The following WDR17 variants were observed in gnomAD, a reference collection of about 807,000 sequenced individuals.
WDR17 encodes the protein WD repeat-containing protein 17.
A neutral mutation model predicts 161.7 loss-of-function variants in WDR17; 143 were observed. That is an observed-to-expected ratio of 0.88 (90% CI 0.77 to 1.02). The LOEUF (loss-of-function observed/expected upper bound fraction) is 1.02. Ranked by LOEUF, WDR17 falls within the 50% of genes least tolerant of loss-of-function variation. WDR17 has a pLI of 0.00. For synonymous variants in WDR17, 517 were observed against 515.6 expected, an observed-to-expected ratio of 1.00 and a Z score of -0.04; for missense variants, 1,469 against 1,520.9, an observed-to-expected ratio of 0.97 and a Z score of 0.57.
In WDR17 at chr4:176,146,055, C is replaced by T; in HGVS notation, c.1590C>T (p.Ser530=). 6.2e-7 allele frequency: 1 copy of T among 1,614,016 alleles called. No homozygotes were observed. Among genetic ancestry groups the T allele is most frequent in the Non-Finnish European group, 8.5e-7 (1 of 1,179,958 alleles). ...TTCGTGTTTATTATGTAGCCACCAG[C>T]TCAGATCAACCATTGAAAGTATTTA... ...TNVRVYYVAT[S]SDQPLKVFSG... is the part of the protein sequence containing the mutation. The change falls in exon 12 of 29, where the codon AGC becomes AGT. Residue 530 remains serine (S), a synonymous_variant. Transcript: ENST00000508596.
At chr4:176,104,376 T>C (rs566870483) in intron 1 of WDR17, among the ~76,000 whole-genome samples, 95 of 152,156 alleles carry the variant, frequency 6.2e-4, no homozygotes, top group African/African-American at 2.2e-3. Flanking sequence ...AGTGCTAGTA[T>C]TTGGAAACAA....
chr4:176,148,274 A>T lies in WDR17; in HGVS notation c.1836A>T (p.Val612=). Residue 612 remains valine (V), a synonymous_variant, in exon 13 of 29, where the codon GTA becomes GTT. Transcript: ENST00000508596. Reference sequence around the variant, plus strand: ...GCAGCTGGGACTATACTATAAAAGTATGGGACACTCGAGAAGGAACTTGTG... The same window carrying T: ...GCAGCTGGGACTATACTATAAAAGTTTGGGACACTCGAGAAGGAACTTGTG... ...ISGSWDYTIK[V]WDTREGTCVD... The T allele has an allele frequency of 6.2e-7, 1 of 1,614,040 alleles. No homozygotes were observed. Among genetic ancestry groups the T allele is most frequent in the Admixed American group, 1.7e-5 (1 of 60,018 alleles).
Position 176,115,887 on chromosome 4 carries a change from C to G in WDR17, c.215C>G (p.Pro72Arg). ...GCAATTTCTTGGTGTCCACATAATC[C>G]TGATCTGTTTGCAAGTGGCAGTACT... ...ITAISWCPHN[P>R]DLFASGSTDN... The change falls in exon 3 of 29, where the codon CCT (proline) becomes CGT (arginine). Residue 72 changes from proline to arginine, a missense_variant. By Grantham distance (103) the Pro-to-Arg change is moderately radical. Transcript: ENST00000508596. 6.2e-7 allele frequency: 1 copy of G among 1,611,106 alleles called. No individual in the cohort carries two copies. The highest frequency in any genetic ancestry group is 8.5e-7 in the Non-Finnish European group (1 of 1,178,328).
chr4:176,176,680 G>A (rs780304256), intron 26 of WDR17, among the ~76,000 whole-genome samples: 3 of 152,086 alleles, frequency 2.0e-5, no homozygotes, highest in Non-Finnish European at 4.4e-5. Context: ...TCCTTCTCCC[G>A]TGTTCTCTTT....
chr4:176,104,959 A>G (rs1202363657), intron 1 of WDR17, among the ~76,000 whole-genome samples: 2 of 152,078 alleles, frequency 1.3e-5, no homozygotes, highest in Non-Finnish European at 2.9e-5. Flanking sequence ...ATTTAAAAAA[A>G]GATCCATCTG....
rs1435447519 is a variant in WDR17 at position 176,149,964 on chromosome 4, A to G, written c.2047+8A>G. On this transcript the variant is annotated splice_region_variant and intron_variant, in intron 14 of 28. Coordinates refer to ENST00000508596, the MANE Select transcript of WDR17 (RefSeq NM_181265.4). The stretch of plus-strand genomic sequence containing the variant: ...AAATTATTGGGAACACTGGTATGGA[A>G]CATATACATGTATTAGAGTTTATTT... The G allele has an allele frequency of 2.5e-6, 4 of 1,611,686 alleles. No homozygotes were observed. Among genetic ancestry groups the G allele is most frequent in the South Asian group, 1.1e-5 (1 of 90,172 alleles).
chr4:176,166,287 T>TCA lies in WDR17; in HGVS notation c.2991-2385_2991-2384insCA, dbSNP rs559929238. 1.4e-4 allele frequency: 41 copies of TCA among 301,368 alleles called. 1 individual carries two copies. The South Asian group carries it at 2.9e-3, about 21-fold the overall frequency. The allele number at this position is 301,368 out of a possible 1,614,324, so 18.7% of individuals were successfully genotyped here. On this transcript the variant is annotated intron_variant, in intron 22 of 28. Coordinates refer to ENST00000508596, the MANE Select transcript of WDR17 (RefSeq NM_181265.4). ...TATGGTATGCCAATTCACGTGTAAT[T>TCA]TATAGCACATGAAACCTGACTACAA...
chr4:176,115,425 A>T (rs564006104), intron 2 of WDR17, among the ~76,000 whole-genome samples: 1 of 152,122 alleles, frequency 6.6e-6, no homozygotes, highest in African/African-American at 2.4e-5. Context: ...TCTTGATTCA[A>T]GTATAAGTGA....
chr4:176,130,338 CTT>C (rs1276827135), intron 6 of WDR17, among the ~76,000 whole-genome samples: 7 of 152,140 alleles, frequency 4.6e-5, no homozygotes, highest in Non-Finnish European at 1.5e-5. Context: ...CCAAATGCCT[CTT>C]TTGTCATTTG....
At chr4:176,107,927 T>TTTCC (rs147538001) in intron 1 of WDR17, among the ~76,000 whole-genome samples, 4 of 145,926 alleles carry the variant, frequency 2.7e-5, no homozygotes, top group African/African-American at 7.6e-5. Flanking sequence ...TTCTTCCTTT[T>TTTCC]TTCCTTCCTT....
In WDR17 at chr4:176,128,928, A is replaced by G. The variant is rs1213706691; in HGVS notation, c.913+68A>G. ...TGTGTTTTCTATCAAATAAAATGGT[A>G]TAGTGAGATATCAAATACTATATGC... On this transcript the variant is annotated intron_variant, in intron 6 of 28. Coordinates refer to ENST00000508596, the MANE Select transcript of WDR17 (RefSeq NM_181265.4). 3.7e-6 allele frequency: 5 copies of G among 1,356,916 alleles called. No homozygotes were observed. The East Asian group carries it at 8.0e-5, about 22-fold the overall frequency. The allele number at this position is 1,356,916 out of a possible 1,614,324, so 84.1% of individuals were successfully genotyped here.
chr4:176,160,351 T>C (rs548020477), intron 19 of WDR17, among the ~76,000 whole-genome samples: 2 of 152,316 alleles, frequency 1.3e-5, no homozygotes, highest in African/African-American at 2.4e-5. Context: ...AGATGGAGTC[T>C]TGCTCTGTCA....
In WDR17 at chr4:176,115,980, G is replaced by A. The variant is rs780176594; in HGVS notation, c.307+1G>A. ...ATTGCTAAACTCGACAGTACAAAAGGTATAATTACAACTGGGATTTATTTT... is the reference window on the plus strand; with the variant it reads ...ATTGCTAAACTCGACAGTACAAAAGATATAATTACAACTGGGATTTATTTT... On this transcript the variant is annotated splice_donor_variant, in intron 3 of 28. Coordinates refer to ENST00000508596, the MANE Select transcript of WDR17 (RefSeq NM_181265.4). LOFTEE classifies it high-confidence loss of function. 1.9e-6 allele frequency: 3 copies of A among 1,588,298 alleles called. No individual in the cohort carries two copies. Among genetic ancestry groups the A allele is most frequent in the Non-Finnish European group, 2.6e-6 (3 of 1,169,830 alleles).
At chr4:176,102,208 A>G (rs1346891756) in intron 1 of WDR17, among the ~76,000 whole-genome samples, 1 of 152,204 alleles carries the variant, frequency 6.6e-6, no homozygotes, top group Non-Finnish European at 1.5e-5. Flanking sequence ...AAAGAGCTGA[A>G]CAGATACCTC....
At chr4:176,118,535 G>A (rs1741012116) in intron 3 of WDR17, among the ~76,000 whole-genome samples, 1 of 152,064 alleles carries the variant, frequency 6.6e-6, no homozygotes, top group Non-Finnish European at 1.5e-5. Context: ...TTGCCTCTTG[G>A]AGCACATAGA....
chr4:176,109,713 C>G (rs1258405796), intron 1 of WDR17, among the ~76,000 whole-genome samples: 2 of 152,092 alleles, frequency 1.3e-5, no homozygotes, highest in East Asian at 3.9e-4. Flanking sequence ...TTACTAATTG[C>G]TGAGCATTAA....
rs758409431 is a variant in WDR17, at chr4:176,149,874, C to G, written c.1965C>G (p.Leu655=). 111 of 1,614,032 alleles carry G rather than the reference C, an allele frequency of 6.9e-5. No individual in the cohort carries two copies. Among genetic ancestry groups the G allele is most frequent in the Non-Finnish European group, 9.3e-6 (11 of 1,180,020 alleles). ...GCTCCCGTGACTCTACAGTGAGACT[C>G]TGGTCATTAACAGCCTTAGTCACTC... The part of the protein sequence containing the change: ...ASCSRDSTVR[L]WSLTALVTPV... Residue 655 remains leucine (L), a synonymous_variant, in exon 14 of 29, where the codon CTC becomes CTG. Transcript: ENST00000508596.
chr4:176,122,107 C>G (rs922468770), intron 4 of WDR17, among the ~76,000 whole-genome samples: 3 of 152,150 alleles, frequency 2.0e-5, no homozygotes, highest in Non-Finnish European at 4.4e-5. Flanking sequence ...GGGCCATGCT[C>G]CCCCTGAAGG....
At chr4:176,145,902 T>C in intron 11 of WDR17, 93 bp from the exon 12 acceptor site, 2 of 1,208,210 alleles carry the variant, frequency 1.7e-6, no homozygotes, top group South Asian at 4.1e-5. Context: ...AAGCAAAAAT[T>C]CTACTTTTAG....
Sources: gnomAD v4.1 joint callset for allele counts (sites outside exome capture counted in the v4.1 genomes callset) on GRCh38, gnomAD v4.1.1 for gene constraint, MANE v1.5 for transcripts, NCBI Gene and HGNC (gene_info 2026-07-23, HGNC 2026-07-21) for gene names.